The following PCDHA1 variants were observed in gnomAD, a reference collection of about 807,000 sequenced individuals.
PCDHA1 encodes protocadherin alpha 1, also known as protocadherin alpha-1.
Under a neutral mutation model 61.3 loss-of-function variants are expected in PCDHA1, and 42 were observed. That is an observed-to-expected ratio of 0.69 (90% CI 0.54 to 0.89). The LOEUF (loss-of-function observed/expected upper bound fraction) is 0.89, where lower values mean the gene tolerates loss of function less well. Among genes scored for constraint, PCDHA1 ranks in the 40% least tolerant of loss-of-function variants. The probability of loss-of-function intolerance (pLI) is 0.00; values close to 1 mark genes in which losing one functional copy is unlikely to be tolerated. For missense variants in PCDHA1, 1,256 were observed against 1,235.3 expected, an observed-to-expected ratio of 1.02 and a Z score of -0.25; for synonymous variants, 610 against 553.8, an observed-to-expected ratio of 1.10 and a Z score of -1.43.
chr5:140,882,451 G>T (rs2059142751), intron 1 of PCDHA1: 4 of 1,613,922 alleles, frequency 2.5e-6, no homozygotes, highest in African/African-American at 1.3e-5. Flanking sequence ...AGCTGGTGCC[G>T]CGCCTGTTCC....
intron 1 of PCDHA1, chr5:140,841,822 GTTAACCTAC>G: frequency 6.2e-7 from 1 of 1,613,942 alleles, no homozygotes; most frequent in Non-Finnish European, 8.5e-7. Context: ...CTAACTCCGT[GTTAACCTAC>G]AGGCTTAGCT....
intron 1 of PCDHA1, chr5:140,805,057 C>T (rs782144476): frequency 4.4e-6 from 7 of 1,591,916 alleles, no homozygotes; most frequent in East Asian, 4.5e-5. Context: ...CTTGTCTTCC[C>T]AGATATGGAA....
At chr5:140,805,508 A>AT (rs1451162249) in intron 1 of PCDHA1, 1 of 988,548 alleles carries the variant, frequency 1.0e-6, no homozygotes, top group Admixed American at 6.1e-5. Context: ...CACTAGATTG[A>AT]TTTTTTGTTT....
At chr5:141,002,757 A>G (rs1234528731) in intron 3 of PCDHA1, among the ~76,000 whole-genome samples, 1 of 152,224 alleles carries the variant, frequency 6.6e-6, no homozygotes, top group African/African-American at 2.4e-5. Context: ...CAACCCTGTG[A>G]TGTAGACAGG....
chr5:140,938,014 T>C (rs1554211943), intron 1 of PCDHA1, among the ~76,000 whole-genome samples: 6 of 152,220 alleles, frequency 3.9e-5, no homozygotes. Context: ...TCTTGCTAAA[T>C]AGTAAAATCT....
chr5:140,901,953 G>A (rs545807968), intron 1 of PCDHA1, among the ~76,000 whole-genome samples: 8 of 151,830 alleles, frequency 5.3e-5, no homozygotes, highest in Non-Finnish European at 7.4e-5. Flanking sequence ...AGTTTTATTC[G>A]TGGCTATCGT....
rs1454176953 is a variant in PCDHA1, at chr5:140,787,203, A to G, written c.913A>G (p.Ile305Val). Residue 305 changes from isoleucine (I) to valine (V), a missense_variant, in exon 1 of 4, where the codon ATT becomes GTT. Transcript: ENST00000504120. ...VDSSSGEIRLIDKLDYEETKS... is the reference protein window; with the variant it reads ...VDSSSGEIRLVDKLDYEETKS... ...TTCCAGCTCAGGAGAAATTAGGTTA[A>G]TTGATAAACTGGATTATGAAGAAAC... 3.7e-6 allele frequency: 6 copies of G among 1,613,954 alleles called. No homozygotes were observed. The highest frequency in any genetic ancestry group is 1.7e-5 in the Admixed American group (1 of 59,990).
rs1237672298 is a variant in PCDHA1 at position 140,786,283 on chromosome 5, C to A, written c.-8C>A. 1 of 1,591,036 alleles carries A rather than the reference C, an allele frequency of 6.3e-7. No individual in the cohort carries two copies. Among genetic ancestry groups the A allele is most frequent in the Non-Finnish European group, 8.6e-7 (1 of 1,169,554 alleles). On this transcript the variant is annotated 5_prime_UTR_variant, in exon 1 of 4. Transcript: ENST00000504120. The stretch of plus-strand genomic sequence containing the variant: ...AGGAGAGCATAAGAAAGGTGTAGTC[C>A]TTTTGCAATGGTGTTTTCTAGGAGA...
At chr5:140,806,430 G>T (rs898083831) in intron 1 of PCDHA1, among the ~76,000 whole-genome samples, 1 of 152,234 alleles carries the variant, frequency 6.6e-6, no homozygotes, top group Non-Finnish European at 1.5e-5. Flanking sequence ...TATTTGGAAT[G>T]CTTTTCCATG....
At chr5:140,876,140 C>G in intron 1 of PCDHA1, 1 of 1,613,944 alleles carries the variant, frequency 6.2e-7, no homozygotes, top group Non-Finnish European at 8.5e-7. Context: ...CCAGAACTAA[C>G]AGGGTCTGTC....
At chr5:140,857,777 A>C in intron 1 of PCDHA1, 1 of 1,597,518 alleles carries the variant, frequency 6.3e-7, no homozygotes, top group South Asian at 1.1e-5. Flanking sequence ...CGGTGCAGTC[A>C]GTGAGCTGGT....
In PCDHA1 at chr5:140,802,809, C is replaced by T. The variant is rs781845951; in HGVS notation, c.2394+14125C>T. On this transcript the variant is annotated intron_variant, in intron 1 of 3. Coordinates refer to ENST00000504120, the MANE Select transcript of PCDHA1 (RefSeq NM_018900.4). The stretch of plus-strand genomic sequence containing the variant: ...GCTGCTGCAGTTCCAGGTGAGTGCG[C>T]GCGATGCGGGCGTGCCGCCTCTGGG... 8 of 1,613,372 alleles carry T rather than the reference C, an allele frequency of 5.0e-6. No homozygotes were observed. The Admixed American group carries it at 5.0e-5, about 10-fold the overall frequency.
Position 140,849,757 on chromosome 5 carries a change from A to G in PCDHA1, c.2394+61073A>G, listed in dbSNP as rs2041104980. ...CTGGACCGCGAGAGTGTGTCCGCCT[A>G]CGAGCTGGTGGTTACCGCGCGGGAC... On this transcript the variant is annotated intron_variant, in intron 1 of 3. Transcript: ENST00000504120. 3.1e-6 allele frequency: 5 copies of G among 1,598,418 alleles called. No homozygotes were observed. The African/African-American group carries it at 6.7e-5, about 21-fold the overall frequency.
chr5:140,875,793 G>A (rs2055816565), intron 1 of PCDHA1: 1 of 1,614,100 alleles, frequency 6.2e-7, no homozygotes, highest in Non-Finnish European at 8.5e-7. Flanking sequence ...TCCACCTGGA[G>A]GTGATCGTGG....
At position 140,842,876 on chromosome 5, in the gene PCDHA1, G is replaced by T. The variant is rs2150347081; in HGVS notation, c.2394+54192G>T. ...GCACACGGAGAGCGGCAAGGTGTAC[G>T]CGCTGCAGCCGCTGGACCACGAGGA... On this transcript the variant is annotated intron_variant, in intron 1 of 3. Transcript: ENST00000504120. 5.9e-3 allele frequency: 9,472 copies of T among 1,593,878 alleles called. 1,015 individuals are homozygous for T. The African/African-American group carries it at 0.11, about 18-fold the overall frequency.
chr5:140,835,617 G>C (rs2150239590), intron 1 of PCDHA1: 5 of 1,613,774 alleles, frequency 3.1e-6, no homozygotes, highest in Non-Finnish European at 2.5e-6. Context: ...GCTGGACAGC[G>C]CTCTGGACCG....
intron 1 of PCDHA1, among the ~76,000 whole-genome samples, chr5:140,855,007 T>C (rs1224641648): frequency 6.7e-6 from 1 of 149,970 alleles, no homozygotes; most frequent in Non-Finnish European, 1.5e-5. Context: ...TAAGATATTA[T>C]AAAATGAAAC....
chr5:140,823,120 G>C (rs868916716), intron 1 of PCDHA1: 3 of 1,613,940 alleles, frequency 1.9e-6, no homozygotes, highest in African/African-American at 1.3e-5. Flanking sequence ...CGACGTGAAC[G>C]ACAACGCTCC....
At chr5:140,915,012 C>T (rs2076943122) in intron 1 of PCDHA1, among the ~76,000 whole-genome samples, 1 of 144,844 alleles carries the variant, frequency 6.9e-6, no homozygotes, top group Non-Finnish European at 1.5e-5. Context: ...GTGGCCTGAT[C>T]TTGGCTCACT....
Sources: gnomAD v4.1 joint callset for allele counts (sites outside exome capture counted in the v4.1 genomes callset) on GRCh38, gnomAD v4.1.1 for gene constraint, MANE v1.5 for transcripts, NCBI Gene and HGNC (gene_info 2026-07-23, HGNC 2026-07-21) for gene names.